Variants in RUNX1 observed in about 807,000 individuals in gnomAD.
RUNX1 encodes the protein runt-related transcription factor 1.
A neutral mutation model predicts 42.8 loss-of-function variants in RUNX1; 19 were observed. That is an observed-to-expected ratio of 0.44 (90% confidence interval 0.31 to 0.65). The LOEUF is 0.65. Ranked by LOEUF, RUNX1 falls within the 30% of genes least tolerant of loss-of-function variation. The pLI is 0.07. For synonymous variants in RUNX1, 271 were observed against 289.4 expected (o/e 0.94, Z 0.64); for missense variants, 528 against 672.0 (o/e 0.79, Z 2.37).
intron 3 of RUNX1, chr21:34,887,780 A>G: frequency 9.4e-7 from 1 of 1,062,700 alleles, no homozygotes; most frequent in Non-Finnish European, 1.1e-6. Flanking sequence ...GAAATCCATT[A>G]ATGTACGCTG....
chr21:34,997,657 C>T (rs936617769), intron 2 of RUNX1, among the ~76,000 whole-genome samples: 2 of 151,852 alleles, frequency 1.3e-5, no homozygotes, highest in African/African-American at 2.4e-5. Flanking sequence ...CAGGCAGGAA[C>T]GTCTTACCAG....
chr21:35,035,760 GAC>G (rs1263764563), intron 2 of RUNX1, among the ~76,000 whole-genome samples: 3 of 152,194 alleles, frequency 2.0e-5, no homozygotes, highest in Non-Finnish European at 2.9e-5. Context: ...GTTTGACGCG[GAC>G]TCCAGATTCA....
intron 4 of RUNX1, among the ~76,000 whole-genome samples, chr21:34,882,904 A>C (rs2057927321): frequency 6.6e-6 from 1 of 152,218 alleles, no homozygotes; most frequent in Admixed American, 6.5e-5. Flanking sequence ...CTCAACATTC[A>C]GCAGGTATAC....
Position 34,789,164 on chromosome 21 carries a change from T to G in RUNX1, c.*2971A>C, listed in dbSNP as rs1601327191. On this transcript the variant is annotated 3_prime_UTR_variant, in exon 9 of 9. Coordinates refer to ENST00000675419, the MANE Select transcript of RUNX1 (RefSeq NM_001754.5). ...AGAAACCCATAAACAGGAGAAAGGC[T>G]GACAAACCATGTTCCTTTATGTGAA... is the stretch of plus-strand genomic sequence containing the variant. The G allele has an allele frequency of 1.3e-5, 3 of 233,254 alleles. No individual in the cohort carries two copies. In the Admixed American group the frequency reaches 1.7e-4, roughly 13 times the overall value. The allele number at this position is 233,254 out of a possible 1,614,324, so 14.4% of individuals were successfully genotyped here. A position where few individuals can be genotyped will look rare whatever the true frequency, so the allele number is the denominator to read the frequency against.
chr21:34,921,931 G>C (rs1363791758), intron 2 of RUNX1, among the ~76,000 whole-genome samples: 1 of 152,174 alleles, frequency 6.6e-6, no homozygotes, highest in East Asian at 1.9e-4. Flanking sequence ...ACCATACCAG[G>C]CCTACATAAT....
chr21:34,880,278 T>C (rs912636143), intron 5 of RUNX1, among the ~76,000 whole-genome samples: 3 of 152,256 alleles, frequency 2.0e-5, no homozygotes, highest in Non-Finnish European at 2.9e-5. Context: ...ATTTTTTGCA[T>C]TTTAGTAAAA....
intron 2 of RUNX1, among the ~76,000 whole-genome samples, chr21:34,995,365 G>GA (rs559220073): frequency 2.9e-5 from 4 of 136,694 alleles, no homozygotes; most frequent in Admixed American, 7.4e-5. Context: ...TTTCCTAACT[G>GA]AAAAAAAAAA....
intron 5 of RUNX1, among the ~76,000 whole-genome samples, chr21:34,878,344 TAAAA>T (rs58465528): frequency 1.6e-5 from 2 of 122,842 alleles, no homozygotes; most frequent in African/African-American, 5.7e-5. Context: ...TAGCGCTGAC[TAAAA>T]AAAAAAAAAA....
chr21:34,842,665 C>T (rs578041239), intron 6 of RUNX1, among the ~76,000 whole-genome samples: 35 of 152,222 alleles, frequency 2.3e-4, no homozygotes, highest in African/African-American at 3.6e-4. Context: ...CCCTCTCACA[C>T]GCACACACAG....
At chr21:35,034,686 G>A (rs988933710) in intron 2 of RUNX1, among the ~76,000 whole-genome samples, 1 of 152,204 alleles carries the variant, frequency 6.6e-6, no homozygotes, top group African/African-American at 2.4e-5. Flanking sequence ...CAGCACAGAG[G>A]GCAGTCCCCT....
chr21:35,017,791 C>T (rs1285904414), intron 2 of RUNX1, among the ~76,000 whole-genome samples: 1 of 152,148 alleles, frequency 6.6e-6, no homozygotes, highest in East Asian at 1.9e-4. Context: ...AAAGGAGCTG[C>T]AGGGCATTCA....
intron 6 of RUNX1, among the ~76,000 whole-genome samples, chr21:34,839,993 A>T (rs1167824014): frequency 6.6e-6 from 1 of 152,126 alleles, no homozygotes; most frequent in Non-Finnish European, 1.5e-5. Context: ...TTAACTCTTC[A>T]ATACACACAG....
At chr21:34,919,795 A>G (rs2058340607) in intron 2 of RUNX1, among the ~76,000 whole-genome samples, 1 of 152,230 alleles carries the variant, frequency 6.6e-6, no homozygotes, top group African/African-American at 2.4e-5. Context: ...CGATTGTAGG[A>G]CATTAGAACG....
At chr21:35,019,238 A>T (rs958188805) in intron 2 of RUNX1, among the ~76,000 whole-genome samples, 1 of 152,172 alleles carries the variant, frequency 6.6e-6, no homozygotes, top group Admixed American at 6.5e-5. Context: ...CTTCTCCTGG[A>T]TACCTTTCCC....
At chr21:34,836,647 G>C (rs969001278) in intron 6 of RUNX1, among the ~76,000 whole-genome samples, 4 of 152,192 alleles carry the variant, frequency 2.6e-5, no homozygotes, top group African/African-American at 9.7e-5. Context: ...AATGATTGTG[G>C]AGAGCTCTAT....
intron 2 of RUNX1, among the ~76,000 whole-genome samples, chr21:35,040,737 C>T (rs1165939035): frequency 1.4e-5 from 2 of 141,812 alleles, no homozygotes; most frequent in South Asian, 2.3e-4. Context: ...GGCCACTGCA[C>T]TCCAGCCTGG....
At chr21:34,854,929 C>G (rs1176420686) in intron 6 of RUNX1, among the ~76,000 whole-genome samples, 1 of 152,126 alleles carries the variant, frequency 6.6e-6, no homozygotes, top group African/African-American at 2.4e-5. Context: ...TTACAGCCAG[C>G]TCTTTCACTT....
intron 7 of RUNX1, among the ~76,000 whole-genome samples, chr21:34,806,703 A>G (rs1271460963): frequency 6.6e-6 from 1 of 152,212 alleles, no homozygotes; most frequent in Non-Finnish European, 1.5e-5. Context: ...AAGATTCACC[A>G]AGATAAGCCA....
Position 34,791,908 on chromosome 21 carries a change from C to A in RUNX1, c.*227G>T. The stretch of plus-strand genomic sequence containing the variant: ...CGAGGTGCGTCGCCTCGGACACCTC[C>A]GCGAGGGCCGGGGCGCCAGCAGACG... On this transcript the variant is annotated 3_prime_UTR_variant, in exon 9 of 9. Transcript: ENST00000675419. 1 of 295,380 alleles carries A rather than the reference C, an allele frequency of 3.4e-6. No homozygotes were observed. The allele number at this position is 295,380 out of a possible 1,614,324, so 18.3% of individuals were successfully genotyped here.
Sources: allele counts gnomAD v4.1 joint callset (sites outside exome capture counted in the v4.1 genomes callset), GRCh38; gene constraint gnomAD v4.1.1; transcripts MANE v1.5; gene names NCBI Gene and HGNC (gene_info 2026-07-23, HGNC 2026-07-21).